The following TTC7B variants were observed in gnomAD, a reference collection of about 807,000 sequenced individuals.
TTC7B encodes the protein tetratricopeptide repeat protein 7B.
In TTC7B, 28 loss-of-function variants were observed where a neutral mutation model predicts 106.8. That is an observed-to-expected ratio of 0.26 (90% CI 0.19 to 0.36). The LOEUF is 0.36. Among genes scored for constraint, TTC7B ranks in the 10% least tolerant of loss-of-function variants. The probability of loss-of-function intolerance (pLI) is 1.00; values close to 1 mark genes in which losing one functional copy is unlikely to be tolerated. For missense variants in TTC7B, 862 were observed against 1,076.4 expected (o/e 0.80, Z 2.79); for synonymous variants, 405 against 430.6 (o/e 0.94, Z 0.74).
intron 5 of TTC7B, among the ~76,000 whole-genome samples, chr14:90,725,289 G>A (rs899834130): frequency 2.6e-5 from 4 of 152,134 alleles, no homozygotes; most frequent in African/African-American, 9.7e-5. Flanking sequence ...CCTGGCGGGC[G>A]CCCTCACCAT....
intron 16 of TTC7B, among the ~76,000 whole-genome samples, chr14:90,611,297 C>T (rs1892862958): frequency 1.3e-5 from 2 of 152,190 alleles, no homozygotes; most frequent in South Asian, 2.1e-4. Context: ...TCACCCAGGA[C>T]ATCTCTAAAC....
At chr14:90,771,085 A>T (rs935580373) in intron 3 of TTC7B, among the ~76,000 whole-genome samples, 2 of 152,156 alleles carry the variant, frequency 1.3e-5, no homozygotes, top group African/African-American at 4.8e-5. Context: ...GAGTTTTTAA[A>T]AGGGAAAGAG....
chr14:90,681,372 T>TA (rs902000946), intron 7 of TTC7B, among the ~76,000 whole-genome samples: 8 of 151,480 alleles, frequency 5.3e-5, no homozygotes, highest in African/African-American at 1.2e-4. Context: ...GAACTTGGTT[T>TA]AAAAAAAACT....
intron 3 of TTC7B, among the ~76,000 whole-genome samples, chr14:90,777,554 G>A (rs985377060): frequency 1.2e-4 from 19 of 152,148 alleles, no homozygotes; most frequent in African/African-American, 4.6e-4. Context: ...TCAGACCTCA[G>A]GTCACCAGGG....
intron 17 of TTC7B, among the ~76,000 whole-genome samples, chr14:90,606,348 T>A (rs1595199265): frequency 6.6e-6 from 1 of 152,034 alleles, no homozygotes; most frequent in African/African-American, 2.4e-5. Flanking sequence ...GAGAAACACA[T>A]GGCAACGGGG....
chr14:90,733,696 T>G (rs1478200390), intron 4 of TTC7B, among the ~76,000 whole-genome samples: 1 of 152,160 alleles, frequency 6.6e-6, no homozygotes, highest in East Asian at 1.9e-4. Flanking sequence ...ACCCAATGAC[T>G]GAGGAAGCAC....
chr14:90,798,810 G>C (rs1026278078), intron 1 of TTC7B, among the ~76,000 whole-genome samples: 3 of 151,440 alleles, frequency 2.0e-5, no homozygotes, highest in Non-Finnish European at 4.4e-5. Flanking sequence ...AGTCTAAAGA[G>C]TGGCTGTTCC....
intron 15 of TTC7B, among the ~76,000 whole-genome samples, chr14:90,640,637 A>G (rs973544245): frequency 1.3e-5 from 2 of 152,232 alleles, no homozygotes; most frequent in African/African-American, 4.8e-5. Context: ...GAACAATTCT[A>G]AAGGATTCTA....
intron 13 of TTC7B, among the ~76,000 whole-genome samples, chr14:90,651,682 T>A (rs532320886): frequency 1.4e-4 from 22 of 152,224 alleles, no homozygotes; most frequent in Non-Finnish European, 2.8e-4. Context: ...ACAGGAGATC[T>A]GTTTGCAGAT....
At chr14:90,554,868 C>T (rs1166836743) in intron 19 of TTC7B, among the ~76,000 whole-genome samples, 1 of 152,180 alleles carries the variant, frequency 6.6e-6, no homozygotes, top group African/African-American at 2.4e-5. Context: ...GTTTCTGCTC[C>T]AAAAGCTTCC....
At chr14:90,647,461 AT>A (rs1425756011) in intron 13 of TTC7B, 2 of 153,876 alleles carry the variant, frequency 1.3e-5, no homozygotes, top group African/African-American at 4.8e-5. Context: ...AAATTTCTAG[AT>A]TTCAGAGAAA....
intron 3 of TTC7B, among the ~76,000 whole-genome samples, chr14:90,758,494 A>C (rs930338219): frequency 6.6e-6 from 1 of 151,722 alleles, no homozygotes. Flanking sequence ...CACGGTCCCA[A>C]GGCCGACCCG....
At chr14:90,731,327 A>G (rs1260153031) in intron 4 of TTC7B, among the ~76,000 whole-genome samples, 1 of 152,112 alleles carries the variant, frequency 6.6e-6, no homozygotes, top group Non-Finnish European at 1.5e-5. Context: ...ATAAAAACCA[A>G]TGTTCTCCAA....
intron 4 of TTC7B, among the ~76,000 whole-genome samples, chr14:90,730,781 G>T (rs762153178): frequency 2.0e-5 from 3 of 152,200 alleles, no homozygotes; most frequent in Non-Finnish European, 4.4e-5. Flanking sequence ...TTCTCAAAGG[G>T]AGAGCTGAGC....
chr14:90,772,570 A>G (rs1285414944), intron 3 of TTC7B: 1 of 152,256 alleles, frequency 6.6e-6, no homozygotes, highest in Non-Finnish European at 1.5e-5. Flanking sequence ...AATGCACTGT[A>G]GTGTTAACAG....
intron 3 of TTC7B, among the ~76,000 whole-genome samples, chr14:90,753,934 A>G (rs1890209305): frequency 6.6e-6 from 1 of 152,218 alleles, no homozygotes; most frequent in Admixed American, 6.5e-5. Context: ...TGCTAGCTCA[A>G]CCTGAAATGC....
At chr14:90,576,193 C>T (rs1595172349) in intron 19 of TTC7B, among the ~76,000 whole-genome samples, 1 of 152,174 alleles carries the variant, frequency 6.6e-6, no homozygotes, top group East Asian at 1.9e-4. Flanking sequence ...TCATAGTCCC[C>T]GAGATGGAAA....
intron 13 of TTC7B, among the ~76,000 whole-genome samples, chr14:90,647,715 G>A (rs1204611566): frequency 2.0e-5 from 3 of 152,156 alleles, no homozygotes; most frequent in Non-Finnish European, 2.9e-5. Flanking sequence ...GATTGCAAAC[G>A]TGGTCTTCTC....
Position 90,681,023 on chromosome 14 carries a change from G to T in TTC7B, c.951-488C>A, listed in dbSNP as rs190668259. On this transcript the variant is annotated intron_variant, in intron 7 of 19. Transcript: ENST00000328459. ...TTCTCTAATACTGTAAGAATTTAGT[G>T]AACTATCTTATTTAGACACATAAGT... 2.0e-5 allele frequency among the ~76,000 whole-genome samples: 3 copies of T among 152,270 alleles called. No individual in the cohort carries two copies. In the East Asian group the frequency reaches 5.8e-4, roughly 29 times the overall value.
Sources: gnomAD v4.1 joint callset for allele counts (sites outside exome capture counted in the v4.1 genomes callset) on GRCh38, gnomAD v4.1.1 for gene constraint, MANE v1.5 for transcripts, NCBI Gene and HGNC (gene_info 2026-07-23, HGNC 2026-07-21) for gene names.